The following TMEM233 variants were observed in gnomAD, a reference collection of about 807,000 sequenced individuals.
The protein encoded by TMEM233 is transmembrane protein 233, also known as dispanin subfamily B member 2.
Under a neutral mutation model 11.2 loss-of-function variants are expected in TMEM233, and 6 were observed. That is an observed-to-expected ratio of 0.54 (90% confidence interval 0.29 to 1.06). The LOEUF (loss-of-function observed/expected upper bound fraction) is 1.06, where lower values mean the gene tolerates loss of function less well. TMEM233 is among the 50% of genes least tolerant of loss of function. The pLI is 0.08. For synonymous variants in TMEM233, 59 were observed against 55.8 expected (o/e 1.06, Z -0.26); for missense variants, 127 against 144.7 (o/e 0.88, Z 0.63).
At chr12:119,627,746 A>G (rs1392217877) in intron 1 of TMEM233, among the ~76,000 whole-genome samples, 2 of 152,198 alleles carry the variant, frequency 1.3e-5, no homozygotes, top group Admixed American at 1.3e-4. Context: ...AAACTGAGGT[A>G]GGAGGCGGGA....
chr12:119,605,389 A>G (rs1954253975), intron 1 of TMEM233, among the ~76,000 whole-genome samples: 1 of 146,108 alleles, frequency 6.8e-6, no homozygotes, highest in South Asian at 2.2e-4. Flanking sequence ...AAGCATTATA[A>G]TCAGACAGCT....
intron 2 of TMEM233, among the ~76,000 whole-genome samples, chr12:119,639,856 T>C (rs1455552752): frequency 6.6e-6 from 1 of 152,098 alleles, no homozygotes; most frequent in Non-Finnish European, 1.5e-5. Context: ...TAGGTAACTG[T>C]TGGGTATTAT....
intron 2 of TMEM233, among the ~76,000 whole-genome samples, chr12:119,635,812 A>G (rs1239192263): frequency 1.3e-5 from 2 of 152,082 alleles, no homozygotes; most frequent in African/African-American, 4.8e-5. Context: ...ACTCAAGGCA[A>G]CACTTACTTA....
intron 1 of TMEM233, among the ~76,000 whole-genome samples, chr12:119,626,643 G>A (rs1273356365): frequency 1.3e-5 from 2 of 152,054 alleles, no homozygotes; most frequent in African/African-American, 4.8e-5. Flanking sequence ...GTCCTTGCTA[G>A]GGTATTTTAT....
intron 1 of TMEM233, among the ~76,000 whole-genome samples, chr12:119,626,196 G>A (rs1181736572): frequency 6.6e-6 from 1 of 152,188 alleles, no homozygotes. Context: ...ATAGGGCCAG[G>A]TGCAGTGGCT....
chr12:119,651,791 C>T, the TMEM233 span, among the ~76,000 whole-genome samples: 1 of 131,958 alleles, frequency 7.6e-6, no homozygotes, highest in African/African-American at 2.9e-5. Flanking sequence ...CATTCCACTG[C>T]AGTCCAGCCT....
chr12:119,628,486 C>T (rs1464043074), intron 1 of TMEM233, among the ~76,000 whole-genome samples: 1 of 141,178 alleles, frequency 7.1e-6, no homozygotes, highest in African/African-American at 2.7e-5. Context: ...CTACCACCAG[C>T]TCACTCTTTT....
chr12:119,638,976 C>T (rs1014847178), intron 2 of TMEM233, among the ~76,000 whole-genome samples: 13 of 152,048 alleles, frequency 8.5e-5, no homozygotes, highest in Non-Finnish European at 1.8e-4. Context: ...ATCCCACATC[C>T]TCATCTCCCC....
intron 1 of TMEM233, among the ~76,000 whole-genome samples, chr12:119,600,400 A>C (rs1425378953): frequency 6.6e-6 from 1 of 151,584 alleles, no homozygotes; most frequent in Non-Finnish European, 1.5e-5. Flanking sequence ...AAAAAAAAAA[A>C]ACAGCAGAAG....
intron 1 of TMEM233, among the ~76,000 whole-genome samples, chr12:119,607,843 C>G (rs914651767): frequency 2.0e-5 from 3 of 152,128 alleles, no homozygotes; most frequent in Non-Finnish European, 4.4e-5. Context: ...ACCTCGGCCT[C>G]TCAAAGCGCA....
intron 2 of TMEM233, chr12:119,630,960 G>T (rs1954867648): frequency 6.6e-6 from 1 of 152,184 alleles, no homozygotes; most frequent in Non-Finnish European, 1.5e-5. Flanking sequence ...CTGCTGATGT[G>T]TTGTCCCTCT....
the TMEM233 span, among the ~76,000 whole-genome samples, chr12:119,650,173 A>AAT: frequency 2.0e-5 from 3 of 151,140 alleles, no homozygotes. Flanking sequence ...AAAAAAAAAA[A>AAT]GTGGGTAACT....
chr12:119,628,851 G>C (rs993149631), intron 1 of TMEM233, among the ~76,000 whole-genome samples: 1 of 152,104 alleles, frequency 6.6e-6, no homozygotes. Context: ...AACTTCCCAG[G>C]CTAGGCCCCA....
intron 1 of TMEM233, among the ~76,000 whole-genome samples, chr12:119,604,642 GTTTTTGTTTTT>G (rs1016460663): frequency 3.4e-4 from 52 of 151,684 alleles, no homozygotes; most frequent in Admixed American, 2.0e-4. Context: ...TTTTTGTTTT[GTTTTTGTTTTT>G]GAGACAGGGT....
chr12:119,653,528 A>C, the TMEM233 span, among the ~76,000 whole-genome samples: 1 of 152,102 alleles, frequency 6.6e-6, no homozygotes, highest in South Asian at 2.1e-4. Flanking sequence ...AATATTTTAC[A>C]ATAACTCCAA....
chr12:119,597,771 G>T (rs1187480737), intron 1 of TMEM233, among the ~76,000 whole-genome samples: 1 of 152,092 alleles, frequency 6.6e-6, no homozygotes, highest in Non-Finnish European at 1.5e-5. Flanking sequence ...GCATTGTCAG[G>T]GACACAGAAG....
At chr12:119,630,204 A>T (rs912932712) in intron 2 of TMEM233, among the ~76,000 whole-genome samples, 1 of 152,252 alleles carries the variant, frequency 6.6e-6, no homozygotes, top group African/African-American at 2.4e-5. Context: ...TCCATTCTGC[A>T]TTGCTATAAA....
intron 1 of TMEM233, among the ~76,000 whole-genome samples, chr12:119,625,903 GA>G (rs1954746523): frequency 6.6e-6 from 1 of 151,918 alleles, no homozygotes; most frequent in Middle Eastern, 3.2e-3. Flanking sequence ...CTCTACACTC[GA>G]ATTTCCCCAA....
At chr12:119,616,285 T>G (rs1359210779) in intron 1 of TMEM233, among the ~76,000 whole-genome samples, 1 of 152,220 alleles carries the variant, frequency 6.6e-6, no homozygotes, top group Non-Finnish European at 1.5e-5. Context: ...ACCCATGTGT[T>G]CTATATCCTA....
Sources: allele counts gnomAD v4.1 joint callset (sites outside exome capture counted in the v4.1 genomes callset), GRCh38; gene constraint gnomAD v4.1.1; transcripts MANE v1.5; gene names NCBI Gene and HGNC (gene_info 2026-07-23, HGNC 2026-07-21).